Variants in FOXO3 observed in about 807,000 individuals in gnomAD.
FOXO3 encodes forkhead box protein O3.
FOXO3 carries 4 observed loss-of-function variants against 41.9 expected under a neutral mutation model. The ratio of observed to expected loss-of-function variants is 0.10; its 90% CI spans 0.05 to 0.22. The LOEUF is 0.22. Ranked by LOEUF, FOXO3 falls within the 10% of genes least tolerant of loss-of-function variation. The pLI, the probability that FOXO3 is intolerant of heterozygous loss-of-function variation, is 1.00. For missense variants in FOXO3, 534 were observed against 906.8 expected (o/e 0.59, Z 5.28); for synonymous variants, 318 against 389.3 (o/e 0.82, Z 2.16).
At chr6:108,661,096 G>A (rs1005852905) in intron 1 of FOXO3, among the ~76,000 whole-genome samples, 1 of 151,816 alleles carries the variant, frequency 6.6e-6, no homozygotes, top group African/African-American at 2.4e-5. Flanking sequence ...ACAAAAATTA[G>A]CCAGGTGTGG....
chr6:108,584,806 A>G (rs1023032171), intron 1 of FOXO3, among the ~76,000 whole-genome samples: 10 of 152,250 alleles, frequency 6.6e-5, no homozygotes, highest in Non-Finnish European at 1.2e-4. Flanking sequence ...ATAGAATAAC[A>G]ATAATGATAG....
intron 1 of FOXO3, among the ~76,000 whole-genome samples, chr6:108,626,467 CAG>C (rs1777816569): frequency 6.6e-6 from 1 of 152,282 alleles, no homozygotes; most frequent in Non-Finnish European, 1.5e-5. Context: ...AGCCATGTAT[CAG>C]AGAGAGACAG....
chr6:108,681,889 A>G lies in FOXO3; in HGVS notation c.*2097A>G, dbSNP rs934510159. On this transcript the variant is annotated 3_prime_UTR_variant, in exon 3 of 3. Transcript: ENST00000406360. ...AATGTGCTGTATGCAAGAACTTTCC[A>G]GTAGCAGTGAAGGAGGGTTGCCTCT... The G allele has an allele frequency of 1.3e-5, 2 of 152,088 alleles. No homozygotes were observed. Among genetic ancestry groups the G allele is most frequent in the African/African-American group, 2.4e-5 (1 of 41,386 alleles). The allele number at this position is 152,088 out of a possible 1,614,324, so 9.4% of individuals were successfully genotyped here.
chr6:108,615,404 CTT>C (rs144652519), intron 1 of FOXO3, among the ~76,000 whole-genome samples: 1,567 of 152,126 alleles, frequency 0.01, 29 homozygotes, highest in African/African-American at 0.035. Flanking sequence ...TTTTCCCTCT[CTT>C]AGTAAGGATG....
intron 1 of FOXO3, among the ~76,000 whole-genome samples, chr6:108,616,156 G>GTTTTTTTT (rs35632295): frequency 5.3e-4 from 29 of 55,124 alleles, no homozygotes; most frequent in African/African-American, 7.4e-4. Flanking sequence ...CCCAACTAAG[G>GTTTTTTTT]TTTTTTTTTT....
intron 2 of FOXO3, among the ~76,000 whole-genome samples, chr6:108,678,390 T>G (rs1484519891): frequency 1.3e-5 from 2 of 152,246 alleles, no homozygotes; most frequent in African/African-American, 2.4e-5. Context: ...AGCCGTTTCT[T>G]TACTACCATA....
chr6:108,561,923 C>G (rs1562224358), intron 1 of FOXO3, 94 bp downstream of exon 1: 1 of 1,459,086 alleles, frequency 6.9e-7, no homozygotes, highest in Non-Finnish European at 9.0e-7. Context: ...CTTGCGGGCT[C>G]CAGGGCAAGG....
At chr6:108,649,024 A>T (rs866879224) in intron 1 of FOXO3, among the ~76,000 whole-genome samples, 2,935 of 150,966 alleles carry the variant, frequency 0.019, 136 homozygotes, top group African/African-American at 0.068. Flanking sequence ...AAAAAAAAAA[A>T]AAAAAAAAAG....
At chr6:108,628,740 A>G (rs377224498) in intron 1 of FOXO3, among the ~76,000 whole-genome samples, 2 of 152,188 alleles carry the variant, frequency 1.3e-5, no homozygotes, top group East Asian at 1.9e-4. Flanking sequence ...GCCGGGTTAT[A>G]GCTAGACAGT....
rs1412521450 is a variant in FOXO3, at chr6:108,560,977, C to A, written c.-232C>A. 1.5e-6 allele frequency: 2 copies of A among 1,339,298 alleles called. No individual in the cohort carries two copies. Among genetic ancestry groups the A allele is most frequent in the South Asian group, 2.0e-5 (1 of 50,072 alleles). The allele number at this position is 1,339,298 out of a possible 1,614,324, so 83.0% of individuals were successfully genotyped here. On this transcript the variant is annotated 5_prime_UTR_variant, in exon 1 of 3. Transcript: ENST00000406360. Reference sequence around the variant, plus strand: ...TTCAGGTCCTCCTGTTCCTGGGAGGCGGGCGCGGCAGGACTGGGAGGTGGC... The same window carrying A: ...TTCAGGTCCTCCTGTTCCTGGGAGGAGGGCGCGGCAGGACTGGGAGGTGGC...
intron 1 of FOXO3, among the ~76,000 whole-genome samples, chr6:108,592,167 A>G (rs887864771): frequency 2.6e-5 from 4 of 152,230 alleles, no homozygotes; most frequent in Non-Finnish European, 5.9e-5. Flanking sequence ...GGAACTTTTC[A>G]GGGAAATATG....
At chr6:108,675,147 G>A (rs903521175) in intron 2 of FOXO3, among the ~76,000 whole-genome samples, 3 of 152,140 alleles carry the variant, frequency 2.0e-5, no homozygotes, top group Non-Finnish European at 2.9e-5. Flanking sequence ...GATAGTTTAA[G>A]ATAGGGCATT....
chr6:108,661,025 A>C (rs1433012168), intron 1 of FOXO3, among the ~76,000 whole-genome samples: 1 of 152,092 alleles, frequency 6.6e-6, no homozygotes, highest in East Asian at 1.9e-4. Flanking sequence ...ACGCCACTGC[A>C]CTCCAACCTG....
At chr6:108,630,130 C>T (rs761151016) in intron 1 of FOXO3, among the ~76,000 whole-genome samples, 19 of 152,112 alleles carry the variant, frequency 1.2e-4, no homozygotes, top group Non-Finnish European at 2.4e-4. Context: ...AAACAGGCTT[C>T]TAGGTATAGC....
chr6:108,657,665 G>A (rs1778727174), intron 1 of FOXO3, among the ~76,000 whole-genome samples: 1 of 152,158 alleles, frequency 6.6e-6, no homozygotes, highest in South Asian at 2.1e-4. Flanking sequence ...ATTTGGTAAG[G>A]TGACATACGA....
intron 1 of FOXO3, among the ~76,000 whole-genome samples, chr6:108,648,491 T>C (rs944242165): frequency 1.3e-5 from 2 of 152,084 alleles, no homozygotes; most frequent in African/African-American, 4.8e-5. Context: ...GCCTTAAGGG[T>C]CGTTGGCAGA....
At chr6:108,618,203 A>G (rs980084143) in intron 1 of FOXO3, 55 of 946,984 alleles carry the variant, frequency 5.8e-5, no homozygotes, top group Admixed American at 8.5e-5. Flanking sequence ...AAACTGCACC[A>G]CAGAACCACC....
chr6:108,618,355 T>C (rs975551309), intron 1 of FOXO3: 1 of 562,794 alleles, frequency 1.8e-6, no homozygotes. Flanking sequence ...AACGAGCACA[T>C]GAGCAGCACC....
At chr6:108,665,991 T>A (rs1041572414) in intron 2 of FOXO3, among the ~76,000 whole-genome samples, 3 of 151,598 alleles carry the variant, frequency 2.0e-5, no homozygotes, top group African/African-American at 7.3e-5. Context: ...GGCATTTTAA[T>A]GTTCTCAGAA....
Sources: gnomAD v4.1 joint callset for allele counts (sites outside exome capture counted in the v4.1 genomes callset) on GRCh38, gnomAD v4.1.1 for gene constraint, MANE v1.5 for transcripts, NCBI Gene and HGNC (gene_info 2026-07-23, HGNC 2026-07-21) for gene names.